The following EXOC4 variants were observed in gnomAD, a reference collection of about 807,000 sequenced individuals.
EXOC4 encodes SEC8-like 1.
A neutral mutation model predicts 107.2 loss-of-function variants in EXOC4; 71 were observed. That is an observed-to-expected ratio of 0.66 (90% CI 0.55 to 0.81). The LOEUF is 0.81. Among genes scored for constraint, EXOC4 ranks in the 30% least tolerant of loss-of-function variants. EXOC4 has a pLI of 0.00. For missense variants in EXOC4, 1,108 were observed against 1,189.6 expected, an observed-to-expected ratio of 0.93 and a Z score of 1.01; for synonymous variants, 456 against 441.2, an observed-to-expected ratio of 1.03 and a Z score of -0.42.
At chr7:133,711,051 A>G (rs903593183) in intron 10 of EXOC4, among the ~76,000 whole-genome samples, 6 of 152,230 alleles carry the variant, frequency 3.9e-5, no homozygotes, top group Admixed American at 6.5e-5. Flanking sequence ...AAAAACAGCA[A>G]TACAAAATGA....
chr7:133,652,204 T>TAA (rs1803174611), intron 10 of EXOC4, among the ~76,000 whole-genome samples: 1 of 152,182 alleles, frequency 6.6e-6, no homozygotes, highest in Non-Finnish European at 1.5e-5. Context: ...AATGCACATT[T>TAA]AAAAAGATTT....
intron 11 of EXOC4, among the ~76,000 whole-genome samples, chr7:133,820,122 A>AT (rs1471237136): frequency 1.5e-5 from 2 of 133,056 alleles, no homozygotes; most frequent in East Asian, 2.1e-4. Flanking sequence ...TAACCTGCAA[A>AT]TTTTTTTTTC....
At chr7:133,886,227 G>T (rs1039085847) in intron 11 of EXOC4, among the ~76,000 whole-genome samples, 1 of 152,170 alleles carries the variant, frequency 6.6e-6, no homozygotes, top group Non-Finnish European at 1.5e-5. Context: ...GCATATTAAA[G>T]GTTTCTGAAG....
chr7:133,324,917 A>G (rs180826029), intron 5 of EXOC4, among the ~76,000 whole-genome samples: 23 of 152,318 alleles, frequency 1.5e-4, no homozygotes, highest in Admixed American at 1.1e-3. Flanking sequence ...ATATATGTTT[A>G]GGATAGTTAG....
chr7:133,572,711 G>A (rs1801050263), intron 9 of EXOC4, among the ~76,000 whole-genome samples: 1 of 151,810 alleles, frequency 6.6e-6, no homozygotes, highest in Non-Finnish European at 1.5e-5. Context: ...TTGAAGAGCC[G>A]TTGGCATTCC....
At chr7:133,334,154 C>T (rs1294029521) in intron 5 of EXOC4, among the ~76,000 whole-genome samples, 1 of 152,110 alleles carries the variant, frequency 6.6e-6, no homozygotes, top group Non-Finnish European at 1.5e-5. Context: ...GGGGGTACAT[C>T]GGAAGCATTA....
At chr7:133,352,308 C>T (rs1048340956) in intron 5 of EXOC4, among the ~76,000 whole-genome samples, 23 of 151,928 alleles carry the variant, frequency 1.5e-4, no homozygotes, top group African/African-American at 5.3e-4. Flanking sequence ...TTTCTGCCTT[C>T]AATTCTGTCA....
intron 10 of EXOC4, among the ~76,000 whole-genome samples, chr7:133,808,944 C>T (rs1182435294): frequency 6.6e-6 from 1 of 152,056 alleles, no homozygotes; most frequent in African/African-American, 2.4e-5. Flanking sequence ...AAAAGTTCTG[C>T]ATTTGACAGT....
At chr7:133,435,169 C>T (rs1259289586) in intron 7 of EXOC4, among the ~76,000 whole-genome samples, 3 of 152,116 alleles carry the variant, frequency 2.0e-5, no homozygotes, top group Non-Finnish European at 2.9e-5. Flanking sequence ...TTAATCGATG[C>T]TTTGGTTGCA....
At chr7:133,875,073 A>T (rs1798821442) in intron 11 of EXOC4, among the ~76,000 whole-genome samples, 1 of 152,252 alleles carries the variant, frequency 6.6e-6, no homozygotes, top group African/African-American at 2.4e-5. Context: ...GAGATACATG[A>T]AGAAATGAAA....
At chr7:133,639,779 G>T (rs922816738) in intron 10 of EXOC4, among the ~76,000 whole-genome samples, 1 of 152,010 alleles carries the variant, frequency 6.6e-6, no homozygotes, top group African/African-American at 2.4e-5. Flanking sequence ...AGTTGTGAAA[G>T]AATAGTAATT....
In EXOC4 at chr7:134,005,010, A is replaced by C; in HGVS notation, c.2447A>C (p.Lys816Thr). 6.2e-7 allele frequency: 1 copy of C among 1,613,636 alleles called. No homozygotes were observed. The highest frequency in any genetic ancestry group is 8.5e-7 in the Non-Finnish European group (1 of 1,179,658). ...ESMDYDPLVV[K>T]LNKDISAIEE... Reference sequence around the variant, plus strand: ...ATGGATTATGACCCCCTGGTGGTCAAGCTCAACAAAGATATCAGCGCCATT... The same window carrying C: ...ATGGATTATGACCCCCTGGTGGTCACGCTCAACAAAGATATCAGCGCCATT... The change falls in exon 16 of 18, where the codon AAG becomes ACG. Residue 816 changes from lysine to threonine, a missense_variant. Lys to Thr is a moderately conservative substitution (Grantham distance 78, BLOSUM62 -1). Coordinates refer to ENST00000253861, the MANE Select transcript of EXOC4 (RefSeq NM_021807.4).
intron 10 of EXOC4, among the ~76,000 whole-genome samples, chr7:133,662,324 CAGAAA>C (rs1427921863): frequency 6.6e-6 from 1 of 151,948 alleles, no homozygotes; most frequent in Non-Finnish European, 1.5e-5. Flanking sequence ...GCAAAGGACA[CAGAAA>C]GAAAGCCAGT....
chr7:133,812,009 C>T (rs572873809), intron 10 of EXOC4, among the ~76,000 whole-genome samples: 2 of 152,264 alleles, frequency 1.3e-5, no homozygotes, highest in South Asian at 2.1e-4. Context: ...TAGCAATTTA[C>T]ACTTTGCGCC....
At chr7:133,812,582 T>G (rs115370160) in intron 10 of EXOC4, among the ~76,000 whole-genome samples, 1,817 of 151,962 alleles carry the variant, frequency 0.012, 30 homozygotes, top group African/African-American at 0.042. Context: ...GGTTGCCCAT[T>G]TAATGTAACT....
intron 10 of EXOC4, among the ~76,000 whole-genome samples, chr7:133,723,781 A>G (rs956009202): frequency 2.0e-5 from 3 of 152,070 alleles, no homozygotes; most frequent in Admixed American, 6.5e-5. Context: ...GTGAGTCACC[A>G]TGCCCAACTT....
At chr7:133,764,183 T>C (rs1796090241) in intron 10 of EXOC4, among the ~76,000 whole-genome samples, 1 of 152,046 alleles carries the variant, frequency 6.6e-6, no homozygotes, top group African/African-American at 2.4e-5. Context: ...CACTTTGCCT[T>C]CTGCTCATCC....
chr7:133,747,978 G>A (rs1369146345), intron 10 of EXOC4, among the ~76,000 whole-genome samples: 1 of 152,226 alleles, frequency 6.6e-6, no homozygotes. Context: ...TGTCTCATTA[G>A]CTTTTTGCTC....
chr7:133,316,817 G>A (rs1006217162), intron 4 of EXOC4, among the ~76,000 whole-genome samples: 6 of 151,932 alleles, frequency 3.9e-5, no homozygotes, highest in Admixed American at 6.6e-5. Flanking sequence ...GTAAACTTCC[G>A]GCATATGTCA....
Sources: allele counts gnomAD v4.1 joint callset (sites outside exome capture counted in the v4.1 genomes callset), GRCh38; gene constraint gnomAD v4.1.1; transcripts MANE v1.5; gene names NCBI Gene and HGNC (gene_info 2026-07-23, HGNC 2026-07-21).